The following PRKCE variants were observed in gnomAD, a reference collection of about 807,000 sequenced individuals.
PRKCE encodes protein kinase C epsilon type.
PRKCE carries 16 observed loss-of-function variants against 85.4 expected under a neutral mutation model. That is an observed-to-expected ratio of 0.19 (90% CI 0.13 to 0.28). The LOEUF is 0.28. Ranked by LOEUF, PRKCE falls within the 10% of genes least tolerant of loss-of-function variation. PRKCE has a pLI of 1.00. For synonymous variants in PRKCE, 388 were observed against 371.5 expected (o/e 1.04, Z -0.51); for missense variants, 573 against 975.2 (o/e 0.59, Z 5.49).
chr2:45,871,107 G>C (rs1297300220), intron 2 of PRKCE, among the ~76,000 whole-genome samples: 1 of 152,248 alleles, frequency 6.6e-6, no homozygotes, highest in East Asian at 1.9e-4. Context: ...GGGTGTCCTA[G>C]TCCTTTCAGG....
chr2:45,707,634 T>C (rs182829196), intron 1 of PRKCE, among the ~76,000 whole-genome samples: 1 of 152,326 alleles, frequency 6.6e-6, no homozygotes, highest in East Asian at 1.9e-4. Context: ...TTCCTTCAAA[T>C]ATTTTCCCCT....
chr2:45,817,587 A>G lies in PRKCE; in HGVS notation c.349-25413A>G, dbSNP rs538318698. On this transcript the variant is annotated intron_variant, in intron 1 of 14. Transcript: ENST00000306156. ...TGGGCGCCTGTAGTCCCAGCTACTC[A>G]GGAGGCTGAGGCAGGAGAATGGCGT... Among the ~76,000 whole-genome samples the G allele has an allele frequency of 4.3e-3, 652 of 152,190 alleles. 4 individuals are homozygous for G. The highest frequency in any genetic ancestry group is 0.014 in the African/African-American group (578 of 41,534).
At chr2:45,871,444 G>T (rs1171230466) in intron 2 of PRKCE, among the ~76,000 whole-genome samples, 1 of 152,238 alleles carries the variant, frequency 6.6e-6, no homozygotes, top group Non-Finnish European at 1.5e-5. Flanking sequence ...GGTGAAGGGG[G>T]CTATAAATAG....
intron 11 of PRKCE, among the ~76,000 whole-genome samples, chr2:46,123,214 C>CTTTTTTTTTTTTTTTTTTTTTGTT (rs1673503038): frequency 3.7e-5 from 1 of 27,352 alleles, no homozygotes; most frequent in Non-Finnish European, 6.6e-5. Flanking sequence ...AAACACTTGC[C>CTTTTTTTTTTTTTTTTTTTTTGTT]TTTTTTTTTT....
At chr2:46,034,734 T>TAGAATGA (rs1707752231) in intron 10 of PRKCE, among the ~76,000 whole-genome samples, 1 of 152,088 alleles carries the variant, frequency 6.6e-6, no homozygotes, top group East Asian at 1.9e-4. Context: ...CCACAGGGAG[T>TAGAATGA]CCTTTGGCAA....
chr2:45,815,196 A>AC (rs1406743986), intron 1 of PRKCE, among the ~76,000 whole-genome samples: 2 of 152,212 alleles, frequency 1.3e-5, no homozygotes, highest in African/African-American at 4.8e-5. Flanking sequence ...TACACCAGTT[A>AC]CCCCCCTTCT....
chr2:45,718,406 G>A (rs1005292217), intron 1 of PRKCE, among the ~76,000 whole-genome samples: 7 of 145,892 alleles, frequency 4.8e-5, no homozygotes, highest in South Asian at 4.3e-4. Context: ...GTGCAGTGGC[G>A]TGATCTCGGC....
chr2:45,919,064 G>A (rs1267255835), intron 2 of PRKCE, among the ~76,000 whole-genome samples: 1 of 152,138 alleles, frequency 6.6e-6, no homozygotes, highest in Non-Finnish European at 1.5e-5. Flanking sequence ...CACGTGGGCT[G>A]GATAAGCTGC....
intron 1 of PRKCE, among the ~76,000 whole-genome samples, chr2:45,684,082 G>A (rs1422400006): frequency 1.3e-5 from 2 of 152,140 alleles, no homozygotes. Context: ...CCAGAGGTGG[G>A]AAAACTTGTC....
At chr2:45,719,116 G>A (rs1435789116) in intron 1 of PRKCE, among the ~76,000 whole-genome samples, 1 of 152,240 alleles carries the variant, frequency 6.6e-6, no homozygotes, top group Non-Finnish European at 1.5e-5. Context: ...AAGGCTCGAG[G>A]CATCTATCCT....
At chr2:46,064,427 C>G (rs2103655855) in intron 10 of PRKCE, among the ~76,000 whole-genome samples, 3 of 152,264 alleles carry the variant, frequency 2.0e-5, no homozygotes, top group Admixed American at 2.0e-4. Flanking sequence ...AATTGGCAAT[C>G]CCAAATTAAT....
chr2:45,888,465 C>T (rs200425604), intron 2 of PRKCE, among the ~76,000 whole-genome samples: 35 of 74,734 alleles, frequency 4.7e-4, no homozygotes, highest in East Asian at 1.0e-3. Flanking sequence ...TCCCAACAGT[C>T]TTTTTTTTTT....
At chr2:46,123,119 T>C (rs1673480476) in intron 11 of PRKCE, among the ~76,000 whole-genome samples, 1 of 113,008 alleles carries the variant, frequency 8.8e-6, no homozygotes, top group South Asian at 3.3e-4. Flanking sequence ...GTTTAAACTT[T>C]AAGAGGAAAG....
intron 6 of PRKCE, among the ~76,000 whole-genome samples, chr2:45,991,003 C>G (rs1036590689): frequency 3.3e-5 from 5 of 149,960 alleles, no homozygotes; most frequent in African/African-American, 1.2e-4. Context: ...TTCTTCCTTT[C>G]TTTCTTTCTT....
intron 11 of PRKCE, among the ~76,000 whole-genome samples, chr2:46,125,785 C>G (rs1372791660): frequency 6.6e-6 from 1 of 152,210 alleles, no homozygotes; most frequent in Non-Finnish European, 1.5e-5. Flanking sequence ...GACAATGAGT[C>G]ATTCTTAATT....
At chr2:45,931,681 A>C (rs1052639175) in intron 2 of PRKCE, among the ~76,000 whole-genome samples, 2 of 152,152 alleles carry the variant, frequency 1.3e-5, no homozygotes, top group Admixed American at 6.5e-5. Flanking sequence ...CACACAGAAA[A>C]ATGCATGGCT....
At chr2:45,936,267 T>G (rs1430031151) in intron 2 of PRKCE, among the ~76,000 whole-genome samples, 1 of 152,218 alleles carries the variant, frequency 6.6e-6, no homozygotes, top group Non-Finnish European at 1.5e-5. Flanking sequence ...TAAGAGGTTA[T>G]TAGACCTTCC....
intron 1 of PRKCE, among the ~76,000 whole-genome samples, chr2:45,653,787 T>C (rs1675256188): frequency 6.6e-6 from 1 of 152,196 alleles, no homozygotes; most frequent in Admixed American, 6.5e-5. Flanking sequence ...GCCACATGCG[T>C]AGAACTCTAG....
intron 1 of PRKCE, among the ~76,000 whole-genome samples, chr2:45,713,997 T>C (rs1228539585): frequency 6.6e-6 from 1 of 152,266 alleles, no homozygotes; most frequent in Non-Finnish European, 1.5e-5. Flanking sequence ...CATAAAGTTA[T>C]GTTCTTTTAA....
Sources: gnomAD v4.1 joint callset for allele counts (sites outside exome capture counted in the v4.1 genomes callset) on GRCh38, gnomAD v4.1.1 for gene constraint, MANE v1.5 for transcripts, NCBI Gene and HGNC (gene_info 2026-07-23, HGNC 2026-07-21) for gene names.